The following SSH1 variants were observed in gnomAD, a reference collection of about 807,000 sequenced individuals.
SSH1 encodes the protein slingshot protein phosphatase 1, also known as protein phosphatase Slingshot homolog 1.
SSH1 carries 43 observed loss-of-function variants against 79.7 expected under a neutral mutation model. The ratio of observed to expected loss-of-function variants is 0.54; its 90% CI spans 0.42 to 0.70. The LOEUF is 0.70. SSH1 is among the 30% of genes least tolerant of loss of function. The probability of loss-of-function intolerance (pLI) is 0.00; values close to 1 mark genes in which losing one functional copy is unlikely to be tolerated. For missense variants in SSH1, 1,206 were observed against 1,358.8 expected, an observed-to-expected ratio of 0.89 and a Z score of 1.77; for synonymous variants, 599 against 538.3, an observed-to-expected ratio of 1.11 and a Z score of -1.56.
intron 11 of SSH1, 127 bp from the exon 12 acceptor site, chr12:108,801,053 G>T: frequency 1.0e-6 from 1 of 969,480 alleles, no homozygotes; most frequent in Non-Finnish European, 1.5e-6. Flanking sequence ...GTTCGTGGCG[G>T]GACTTTGGTT....
In SSH1 at chr12:108,817,169, G is replaced by A. The variant is rs73193453; in HGVS notation, c.280-10C>T. 0.025 allele frequency: 39,963 copies of A among 1,613,404 alleles called. 631 individuals are homozygous for A. Among genetic ancestry groups the A allele is most frequent in the Non-Finnish European group, 0.03 (35,316 of 1,179,936 alleles). Reference sequence around the variant, plus strand: ...TCTCCAGGCGCACTGCCTGGAACAGGGCAGACATGCTCTCACTAACCTGCC... The same window carrying A: ...TCTCCAGGCGCACTGCCTGGAACAGAGCAGACATGCTCTCACTAACCTGCC... On this transcript the variant is annotated splice_polypyrimidine_tract_variant and intron_variant, in intron 4 of 14. Transcript: ENST00000326495.
intron 7 of SSH1, among the ~76,000 whole-genome samples, chr12:108,808,824 T>C (rs113065057): frequency 1.5e-5 from 2 of 133,868 alleles, no homozygotes; most frequent in African/African-American, 2.8e-5. Flanking sequence ...TTTACTTCTT[T>C]TTTTTTTTTT....
intron 11 of SSH1, among the ~76,000 whole-genome samples, chr12:108,801,621 C>A (rs145537693): frequency 6.6e-6 from 1 of 151,798 alleles, no homozygotes; most frequent in Non-Finnish European, 1.5e-5. Flanking sequence ...GCATCTTAAC[C>A]GGTAGTTCTA....
chr12:108,781,949 A>T lies in SSH1; in HGVS notation c.*6039T>A, dbSNP rs1002199104. The T allele has an allele frequency of 3.9e-5, 6 of 152,046 alleles. No homozygotes were observed. Among genetic ancestry groups the T allele is most frequent in the African/African-American group, 1.4e-4 (6 of 41,384 alleles). The allele number at this position is 152,046 out of a possible 1,614,324, so 9.4% of individuals were successfully genotyped here. On this transcript the variant is annotated 3_prime_UTR_variant, in exon 15 of 15. Transcript: ENST00000326495. ...GGCAGCAAAGCGAGACTTCATGTCTATAATAAATTGTAAAAATTAGCGGGG... is the reference window on the plus strand; with the variant it reads ...GGCAGCAAAGCGAGACTTCATGTCTTTAATAAATTGTAAAAATTAGCGGGG...
At chr12:108,848,689 G>A (rs1365260032) in intron 2 of SSH1, among the ~76,000 whole-genome samples, 1 of 152,218 alleles carries the variant, frequency 6.6e-6, no homozygotes, top group African/African-American at 2.4e-5. Flanking sequence ...ATGGTGTCCT[G>A]TGCCTAAAAA....
intron 1 of SSH1, 34 bp from the exon 2 acceptor site, chr12:108,852,712 G>C (rs1209739272): frequency 6.2e-7 from 1 of 1,613,636 alleles, no homozygotes; most frequent in Non-Finnish European, 8.5e-7. Context: ...CACACCACAG[G>C]CACCACTGTC....
intron 2 of SSH1, among the ~76,000 whole-genome samples, chr12:108,825,542 C>T (rs2137201005): frequency 6.6e-6 from 1 of 152,312 alleles, no homozygotes. Flanking sequence ...AGTAAGAAGA[C>T]TTAGTTTTGC....
chr12:108,791,576 G>A (rs892019861), intron 14 of SSH1, among the ~76,000 whole-genome samples: 1 of 152,164 alleles, frequency 6.6e-6, no homozygotes, highest in East Asian at 1.9e-4. Context: ...CTGGGCAACA[G>A]TAAGACCTCA....
chr12:108,821,237 ACACAC>A (rs2038106705), intron 3 of SSH1, among the ~76,000 whole-genome samples: 1 of 151,804 alleles, frequency 6.6e-6, no homozygotes, highest in African/African-American at 2.4e-5. Flanking sequence ...ACACACACAC[ACACAC>A]AACTAGCTGG....
chr12:108,837,939 C>A lies in SSH1; in HGVS notation c.111-14578G>T, dbSNP rs569767489. Among the ~76,000 whole-genome samples the A allele has an allele frequency of 2.0e-5, 3 of 152,148 alleles. No individual in the cohort carries two copies. The East Asian group carries it at 5.8e-4, about 29-fold the overall frequency. On this transcript the variant is annotated intron_variant, in intron 2 of 14. Transcript: ENST00000326495. ...CTGGGACTACAGGTGTGTGCTGCCACCCCCAGCTAATTTTTTAATTTTTTT... is the reference window on the plus strand; with the variant it reads ...CTGGGACTACAGGTGTGTGCTGCCAACCCCAGCTAATTTTTTAATTTTTTT...
At chr12:108,842,405 T>C (rs571966312) in intron 2 of SSH1, among the ~76,000 whole-genome samples, 34 of 152,290 alleles carry the variant, frequency 2.2e-4, no homozygotes, top group African/African-American at 7.7e-4. Context: ...CCCACCAGCC[T>C]CGTGGAACTG....
chr12:108,793,074 T>G (rs945392291), intron 13 of SSH1, among the ~76,000 whole-genome samples: 3 of 152,220 alleles, frequency 2.0e-5, no homozygotes, highest in Non-Finnish European at 2.9e-5. Context: ...CTGCCTCTGA[T>G]GACAACGGGG....
At chr12:108,852,086 G>A (rs1166342087) in intron 2 of SSH1, among the ~76,000 whole-genome samples, 3 of 151,960 alleles carry the variant, frequency 2.0e-5, no homozygotes, top group Admixed American at 1.3e-4. Flanking sequence ...AAATGGTAAT[G>A]TAAGGGTGGT....
intron 2 of SSH1, among the ~76,000 whole-genome samples, chr12:108,833,355 T>C (rs1566011304): frequency 6.6e-6 from 1 of 152,114 alleles, no homozygotes; most frequent in African/African-American, 2.4e-5. Flanking sequence ...GGCTGCACTG[T>C]GCGGGAAATG....
chr12:108,796,027 C>T lies in SSH1; in HGVS notation c.1349+2973G>A, dbSNP rs538622093. Among the ~76,000 whole-genome samples the T allele has an allele frequency of 1.4e-4, 21 of 152,144 alleles. 1 individual carries two copies. The highest frequency in any genetic ancestry group is 5.9e-4 in the Admixed American group (9 of 15,298). Reference sequence around the variant, plus strand: ...GTCTCCCAGGTTCAAGCCATTCTCCCGCCTCAGCCTTCCAAGTAGCTGGGA... The same window carrying T: ...GTCTCCCAGGTTCAAGCCATTCTCCTGCCTCAGCCTTCCAAGTAGCTGGGA... On this transcript the variant is annotated intron_variant, in intron 13 of 14. Transcript: ENST00000326495.
At chr12:108,818,185 AAGAC>A in intron 4 of SSH1, 60 bp downstream of exon 4, 64 of 1,288,092 alleles carry the variant, frequency 5.0e-5, no homozygotes, top group Non-Finnish European at 6.3e-5. Context: ...GCAACAGAGC[AAGAC>A]CCTCATCTCA....
chr12:108,798,963 T>C (rs1593024923), intron 13 of SSH1, 37 bp downstream of exon 13: 1 of 1,604,952 alleles, frequency 6.2e-7, no homozygotes, highest in Non-Finnish European at 8.5e-7. Flanking sequence ...CTGCTCCAGC[T>C]CCGCCTGCCA....
chr12:108,787,310 G>A lies in SSH1; in HGVS notation c.*678C>T, dbSNP rs1005238071. On this transcript the variant is annotated 3_prime_UTR_variant, in exon 15 of 15. Coordinates refer to ENST00000326495, the MANE Select transcript of SSH1 (RefSeq NM_018984.4). ...ACACGTAACAACACAACCAGGACAGGGCGCCTGCACCACCATTCGGGCACA... is the reference window on the plus strand; with the variant it reads ...ACACGTAACAACACAACCAGGACAGAGCGCCTGCACCACCATTCGGGCACA... 6.5e-6 allele frequency: 1 copy of A among 152,846 alleles called. No homozygotes were observed. The allele number at this position is 152,846 out of a possible 1,614,324, so 9.5% of individuals were successfully genotyped here.
At chr12:108,814,049 C>T (rs945804860) in intron 5 of SSH1, among the ~76,000 whole-genome samples, 1 of 152,200 alleles carries the variant, frequency 6.6e-6, no homozygotes, top group Admixed American at 6.5e-5. Flanking sequence ...CATGGTGAAA[C>T]CCTGTCTCTA....
Sources: gnomAD v4.1 joint callset for allele counts (sites outside exome capture counted in the v4.1 genomes callset) on GRCh38, gnomAD v4.1.1 for gene constraint, MANE v1.5 for transcripts, NCBI Gene and HGNC (gene_info 2026-07-23, HGNC 2026-07-21) for gene names.